Variants in ADGRG6 observed in about 807,000 individuals in gnomAD.
ADGRG6 encodes G-protein coupled receptor 126.
In ADGRG6, 84 loss-of-function variants were observed where a neutral mutation model predicts 142.4. The ratio of observed to expected loss-of-function variants is 0.59; its 90% CI spans 0.49 to 0.71. The LOEUF (loss-of-function observed/expected upper bound fraction) is 0.71, where lower values mean the gene tolerates loss of function less well. ADGRG6 is among the 30% of genes least tolerant of loss of function. ADGRG6 has a pLI of 0.00. For missense variants in ADGRG6, 1,367 were observed against 1,466.6 expected (o/e 0.93, Z 1.11); for synonymous variants, 521 against 520.5 (o/e 1.00, Z -0.01).
chr6:142,398,712 G>A (rs887418817), intron 10 of ADGRG6, among the ~76,000 whole-genome samples: 3 of 152,064 alleles, frequency 2.0e-5, no homozygotes, highest in Non-Finnish European at 1.5e-5. Context: ...TTTAAAGACA[G>A]CTCCTAAGTC....
chr6:142,399,198 T>C (rs1775372812), intron 10 of ADGRG6, among the ~76,000 whole-genome samples: 1 of 152,146 alleles, frequency 6.6e-6, no homozygotes, highest in Admixed American at 6.5e-5. Context: ...GAGGCAAGTG[T>C]TCCTCAGCCT....
intron 9 of ADGRG6, among the ~76,000 whole-genome samples, chr6:142,394,382 T>C (rs942351315): frequency 6.6e-6 from 1 of 152,130 alleles, no homozygotes; most frequent in South Asian, 2.1e-4. Flanking sequence ...TTCTGAAGTC[T>C]CCCTTTTAAT....
chr6:142,442,554 CTATAA>C (rs1777808259), intron 24 of ADGRG6, among the ~76,000 whole-genome samples: 1 of 151,832 alleles, frequency 6.6e-6, no homozygotes, highest in Non-Finnish European at 1.5e-5. Context: ...CTATCAGTTG[CTATAA>C]TATTAGTGCT....
rs774001761 is a variant in ADGRG6, at chr6:142,437,519, G to T, written c.3405G>T (p.Arg1135=). 8 of 1,508,492 alleles carry T rather than the reference G, an allele frequency of 5.3e-6. No homozygotes were observed. Among genetic ancestry groups the T allele is most frequent in the Non-Finnish European group, 7.4e-6 (8 of 1,083,698 alleles). 93.4% of individuals were successfully genotyped at this position (1,508,492 alleles called of 1,614,324 possible). ...AGCATCTCTGCTGTGGTAGATTTCG[G>T]TTAGCAGATAACTCAGGTAAAGAGT... is the stretch of plus-strand genomic sequence containing the variant. ...WRQHLCCGRF[R]LADNSDWSKT... is the part of the protein sequence containing the mutation. Residue 1135 remains arginine (R), a synonymous_variant, in exon 23 of 25, where the codon CGG becomes CGT. Transcript: ENST00000367609.
intron 1 of ADGRG6, among the ~76,000 whole-genome samples, chr6:142,303,775 A>G (rs146486179): frequency 3.9e-5 from 6 of 152,358 alleles, no homozygotes; most frequent in African/African-American, 1.2e-4. Flanking sequence ...GAAAAAAAGC[A>G]TATTACACAT....
rs35958800 is a variant in ADGRG6, at chr6:142,359,044, TA to T, written c.104-8511del. Among the ~76,000 whole-genome samples the T allele has an allele frequency of 9.6e-3, 1,334 of 139,396 alleles. 6 individuals are homozygous for T. The highest frequency in any genetic ancestry group is 0.016 in the African/African-American group (610 of 38,078). The allele number at this position is 139,396 out of a possible 152,430, so 91.4% of individuals were successfully genotyped here. A position where few individuals can be genotyped will look rare whatever the true frequency, so the allele number is the denominator to read the frequency against. On this transcript the variant is annotated intron_variant, in intron 2 of 24. Coordinates refer to ENST00000367609, the MANE Select transcript of ADGRG6 (RefSeq NM_198569.3). ...AACATTATGAGATCCCCTCTACAAT[TA>T]AAAAAAAAAAAAATATCTGGGCATG...
In ADGRG6 at chr6:142,370,528, C is replaced by G; in HGVS notation, c.804C>G (p.Phe268Leu). ...CTTTGGGCTCTATTGGTGTAAATTT[C>G]AAAAGAAACTATGAAACAGTTCCAT... is the stretch of plus-strand genomic sequence containing the variant. ...NNSLGSIGVN[F>L]KRNYETVPCD... The change falls in exon 4 of 25, where the codon TTC (phenylalanine) becomes TTG (leucine). Residue 268 changes from phenylalanine to leucine, a missense_variant. By Grantham distance (22) the Phe-to-Leu change is conservative (BLOSUM62 0). Transcript: ENST00000367609. 6.2e-7 allele frequency: 1 copy of G among 1,613,656 alleles called. No individual in the cohort carries two copies. Among genetic ancestry groups the G allele is most frequent in the East Asian group, 2.2e-5 (1 of 44,866 alleles).
In ADGRG6 at chr6:142,359,916, G is replaced by T. The variant is rs772629595; in HGVS notation, c.104-7653G>T. Among the ~76,000 whole-genome samples the T allele has an allele frequency of 1.4e-4, 21 of 152,272 alleles. 1 individual carries two copies. The highest frequency in any genetic ancestry group is 8.3e-4 in the South Asian group (4 of 4,822). On this transcript the variant is annotated intron_variant, in intron 2 of 24. Coordinates refer to ENST00000367609, the MANE Select transcript of ADGRG6 (RefSeq NM_198569.3). Reference sequence around the variant, plus strand: ...AAACTTACCTTCATACTAGGATATTGATAGATCTTTCTGGTAGTGATGTGG... The same window carrying T: ...AAACTTACCTTCATACTAGGATATTTATAGATCTTTCTGGTAGTGATGTGG...
rs79215821 is a variant in ADGRG6, at chr6:142,333,445, A to G, written c.103+23801A>G. Among the ~76,000 whole-genome samples, 737 of 152,300 alleles carry G rather than the reference A, an allele frequency of 4.8e-3. 9 individuals carry two copies. Among genetic ancestry groups the G allele is most frequent in the African/African-American group, 0.017 (698 of 41,562 alleles). ...CAGCTTGTTTTTCTTATTGATATTA[A>G]TGTGTGGTGTAGTGAAGACTGAATG... On this transcript the variant is annotated intron_variant, in intron 2 of 24. Transcript: ENST00000367609.
chr6:142,436,385 C>T (rs1042727698), intron 22 of ADGRG6, among the ~76,000 whole-genome samples: 8 of 152,040 alleles, frequency 5.3e-5, no homozygotes, highest in African/African-American at 1.2e-4. Context: ...GCTGCCGAGA[C>T]GTCTAGTAAA....
intron 2 of ADGRG6, among the ~76,000 whole-genome samples, chr6:142,332,146 A>G (rs1779093460): frequency 6.6e-6 from 1 of 152,178 alleles, no homozygotes; most frequent in African/African-American, 2.4e-5. Context: ...TAAGATCACA[A>G]TATAGGTGGC....
intron 7 of ADGRG6, among the ~76,000 whole-genome samples, chr6:142,392,631 T>C (rs943047499): frequency 4.6e-5 from 7 of 151,998 alleles, no homozygotes; most frequent in African/African-American, 1.7e-4. Context: ...CTGCTACTGC[T>C]TACTTGGGTG....
chr6:142,348,139 A>G (rs1425722868), intron 2 of ADGRG6, among the ~76,000 whole-genome samples: 1 of 152,092 alleles, frequency 6.6e-6, no homozygotes, highest in Non-Finnish European at 1.5e-5. Flanking sequence ...GGGTGGTGGA[A>G]TTAAGGTTTT....
intron 13 of ADGRG6, among the ~76,000 whole-genome samples, 173 bp downstream of exon 13, chr6:142,403,003 G>C (rs543594645): frequency 1.0e-4 from 15 of 150,588 alleles, no homozygotes; most frequent in African/African-American, 3.7e-4. Context: ...TAAAAGTTCT[G>C]TGTGTTTTTT....
chr6:142,372,200 A>G (rs781372630), intron 4 of ADGRG6, among the ~76,000 whole-genome samples: 5 of 152,224 alleles, frequency 3.3e-5, no homozygotes, highest in Non-Finnish European at 7.3e-5. Flanking sequence ...TTATTTTATT[A>G]TAGGACTGAT....
rs372702669 is a variant in ADGRG6, at chr6:142,415,036, T to C, written c.2609T>C (p.Ile870Thr). The change falls in exon 19 of 25, where the codon ATT (isoleucine) becomes ACT (threonine). Residue 870 changes from isoleucine to threonine, a missense_variant. Ile to Thr is a moderately conservative substitution (Grantham distance 89). This residue lies in a region of ADGRG6 where 286 missense variants were observed against 371.4 expected (regional missense o/e 0.77). Transcript: ENST00000367609. The stretch of plus-strand genomic sequence containing the variant: ...AAAGTCCTCACTTTCATCAGCTATA[T>C]TGGGTGTGGAATATCTGCTATTTTT... ...NTKVLTFISY[I>T]GCGISAIFSA... 86 of 1,611,146 alleles carry C rather than the reference T, an allele frequency of 5.3e-5. No individual in the cohort carries two copies. The highest frequency in any genetic ancestry group is 7.0e-5 in the Non-Finnish European group (82 of 1,178,276).
chr6:142,367,869 T>G lies in ADGRG6; in HGVS notation c.404T>G (p.Phe135Cys). The G allele has an allele frequency of 6.2e-7, 1 of 1,612,348 alleles. No individual in the cohort carries two copies. Among genetic ancestry groups the G allele is most frequent in the Non-Finnish European group, 8.5e-7 (1 of 1,179,688 alleles). ...ATGCATGTGTCCTTTTCAAGTGACTTTAGCATCCAGAAGAAAGGTTTCAAT... is the reference window on the plus strand; with the variant it reads ...ATGCATGTGTCCTTTTCAAGTGACTGTAGCATCCAGAAGAAAGGTTTCAAT... ...NEMHVSFSSD[F>C]SIQKKGFNAS... is the part of the protein sequence containing the mutation. Residue 135 changes from phenylalanine to cysteine, a missense_variant, in exon 3 of 25, where the codon TTT (phenylalanine) becomes TGT (cysteine). This residue lies in a region of ADGRG6 where 737 missense variants were observed against 746.5 expected (regional missense o/e 0.99). Transcript: ENST00000367609.
chr6:142,362,544 G>T (rs1780774334), intron 2 of ADGRG6, among the ~76,000 whole-genome samples: 1 of 152,106 alleles, frequency 6.6e-6, no homozygotes, highest in Admixed American at 6.6e-5. Context: ...AGCGGTGAGG[G>T]TGGTGGGGAT....
At chr6:142,437,643 G>T (rs1562395664) in intron 23 of ADGRG6, 108 bp downstream of exon 23, 7 of 676,466 alleles carry the variant, frequency 1.0e-5, no homozygotes, top group East Asian at 5.2e-5. Flanking sequence ...AGCTATTGAA[G>T]TGGAGCATGT....
Sources: gnomAD v4.1 joint callset for allele counts (sites outside exome capture counted in the v4.1 genomes callset) on GRCh38, gnomAD v4.1.1 for gene constraint, gnomAD v4.1.1 regional missense constraint, MANE v1.5 for transcripts, NCBI Gene and HGNC (gene_info 2026-07-23, HGNC 2026-07-21) for gene names.